ZNF722: variants seen among roughly 807,000 people sequenced by gnomAD.
The protein encoded by ZNF722 is zinc finger protein 479 pseudogene.
the ZNF722 span, among the ~76,000 whole-genome samples, chr7:64,016,671 T>G: frequency 1.3e-5 from 2 of 152,136 alleles, no homozygotes; most frequent in African/African-American, 2.4e-5. Context: ...TAATTGATAT[T>G]GGAGAGAACC....
chr7:64,004,425 A>AAAAATATATATAT, the ZNF722 span, among the ~76,000 whole-genome samples: 23 of 61,104 alleles, frequency 3.8e-4, no homozygotes, highest in African/African-American at 1.0e-3. Context: ...AAAAAAAAAA[A>AAAAATATATATAT]ATATATATAT....
the ZNF722 span, among the ~76,000 whole-genome samples, chr7:64,008,375 A>C: frequency 1.3e-5 from 2 of 152,268 alleles, no homozygotes; most frequent in East Asian, 3.9e-4. Context: ...TTATGGTTTT[A>C]GATCTAACAT....
At chr7:64,004,437 T>A in the ZNF722 span, among the ~76,000 whole-genome samples, 1,688 of 125,226 alleles carry the variant, frequency 0.013, 137 homozygotes, top group East Asian at 0.15. Context: ...TATATATATA[T>A]ATATATATAT....
At chr7:64,013,623 T>C in the ZNF722 span, among the ~76,000 whole-genome samples, 1 of 151,680 alleles carries the variant, frequency 6.6e-6, no homozygotes, top group African/African-American at 2.4e-5. Flanking sequence ...TTTATGATTA[T>C]TTTTATGCTT....
chr7:63,999,476 T>C, the ZNF722 span, among the ~76,000 whole-genome samples: 2 of 152,168 alleles, frequency 1.3e-5, no homozygotes, highest in African/African-American at 2.4e-5. Context: ...CAGCTATGAT[T>C]TGTGGGTTGT....
the ZNF722 span, chr7:64,006,236 C>G: frequency 2.3e-6 from 3 of 1,292,112 alleles, no homozygotes; most frequent in Non-Finnish European, 3.2e-6. Context: ...ATTGCTGACT[C>G]TAAGCCAGAC....
At chr7:64,001,504 A>G in the ZNF722 span, among the ~76,000 whole-genome samples, 1 of 152,190 alleles carries the variant, frequency 6.6e-6, no homozygotes, top group Non-Finnish European at 1.5e-5. Flanking sequence ...CTGAAGACAT[A>G]TAGGTTTATT....
At chr7:64,007,246 A>ATATATATATATT in the ZNF722 span, among the ~76,000 whole-genome samples, 11 of 145,634 alleles carry the variant, frequency 7.6e-5, no homozygotes, top group African/African-American at 2.4e-4. Context: ...ATATATATAT[A>ATATATATATATT]TATATATATT....
the ZNF722 span, among the ~76,000 whole-genome samples, chr7:63,999,613 G>C: frequency 6.6e-6 from 1 of 152,126 alleles, no homozygotes; most frequent in Non-Finnish European, 1.5e-5. Context: ...AAATGCCTTG[G>C]TTATGTCATC....
chr7:64,007,928 T>C, the ZNF722 span, among the ~76,000 whole-genome samples: 1 of 152,160 alleles, frequency 6.6e-6, no homozygotes, highest in Non-Finnish European at 1.5e-5. Context: ...TATTAATGAT[T>C]ACCATTCTAA....
At chr7:63,998,860 C>T in the ZNF722 span, 4 of 1,342,252 alleles carry the variant, frequency 3.0e-6, no homozygotes, top group East Asian at 4.8e-5. Flanking sequence ...TTTTGTGCTT[C>T]TCTGCGTCCC....
the ZNF722 span, among the ~76,000 whole-genome samples, chr7:64,013,062 A>G: frequency 6.6e-6 from 1 of 152,088 alleles, no homozygotes; most frequent in Non-Finnish European, 1.5e-5. Flanking sequence ...TTTACAGTCT[A>G]CTGAACTGTG....
the ZNF722 span, among the ~76,000 whole-genome samples, chr7:64,014,862 C>A: frequency 6.6e-6 from 1 of 152,168 alleles, no homozygotes; most frequent in Non-Finnish European, 1.5e-5. Flanking sequence ...GTATTTTGAT[C>A]ACTATGATTT....
At chr7:64,008,169 A>G in the ZNF722 span, among the ~76,000 whole-genome samples, 1 of 152,204 alleles carries the variant, frequency 6.6e-6, no homozygotes, top group Non-Finnish European at 1.5e-5. Context: ...GTAGATTGCA[A>G]AAATTTTCTC....
At chr7:63,999,243 C>G in the ZNF722 span, among the ~76,000 whole-genome samples, 65 of 152,168 alleles carry the variant, frequency 4.3e-4, no homozygotes, top group Non-Finnish European at 6.6e-4. Flanking sequence ...GGAGGCCTCT[C>G]TGGGCAGCTC....
chr7:64,013,462 C>G, the ZNF722 span, among the ~76,000 whole-genome samples: 1 of 151,162 alleles, frequency 6.6e-6, no homozygotes, highest in South Asian at 2.1e-4. Flanking sequence ...TTTCTTTATG[C>G]TACATTAGAG....
At chr7:63,999,397 G>A in the ZNF722 span, among the ~76,000 whole-genome samples, 1 of 152,276 alleles carries the variant, frequency 6.6e-6, no homozygotes, top group South Asian at 2.1e-4. Context: ...CCTTTTAGAG[G>A]TGTATGGGAG....
the ZNF722 span, among the ~76,000 whole-genome samples, chr7:64,001,881 A>AAT: frequency 3.1e-4 from 47 of 150,712 alleles, no homozygotes; most frequent in East Asian, 1.2e-3. Context: ...GTTTCGTTGA[A>AAT]ATATATATAT....
the ZNF722 span, among the ~76,000 whole-genome samples, chr7:64,000,289 C>G: frequency 9.6e-4 from 145 of 151,166 alleles, 1 homozygote; most frequent in Middle Eastern, 3.4e-3. Flanking sequence ...CGTCACCACC[C>G]CAGCTAATTT....
Sources: gnomAD v4.1 joint callset for allele counts (sites outside exome capture counted in the v4.1 genomes callset) on GRCh38, gnomAD v4.1.1 for gene constraint, MANE v1.5 for transcripts, NCBI Gene and HGNC (gene_info 2026-07-23, HGNC 2026-07-21) for gene names.